The following EXOC6B variants were observed in gnomAD, a reference collection of about 807,000 sequenced individuals.
EXOC6B encodes SEC15 homolog B.
EXOC6B carries 54 observed loss-of-function variants against 113.5 expected under a neutral mutation model. That is an observed-to-expected ratio of 0.48 (90% CI 0.38 to 0.60). The LOEUF (loss-of-function observed/expected upper bound fraction) is 0.60, where lower values mean the gene tolerates loss of function less well. Among genes scored for constraint, EXOC6B ranks in the 20% least tolerant of loss-of-function variants. The pLI is 0.00. For missense variants in EXOC6B, 797 were observed against 977.5 expected (o/e 0.82, Z 2.46); for synonymous variants, 357 against 339.0 (o/e 1.05, Z -0.58).
At chr2:72,718,020 C>T in intron 6 of EXOC6B, 83 bp downstream of exon 6, 1 of 978,294 alleles carries the variant, frequency 1.0e-6, no homozygotes, top group Non-Finnish European at 1.5e-6. Flanking sequence ...AAGATAATGA[C>T]TAGACACTTG....
chr2:72,266,186 T>G (rs1324103643), intron 20 of EXOC6B, among the ~76,000 whole-genome samples: 4 of 151,756 alleles, frequency 2.6e-5, no homozygotes, highest in South Asian at 2.1e-4. Flanking sequence ...TGCGAAAATT[T>G]TCTCCCATTT....
intron 20 of EXOC6B, among the ~76,000 whole-genome samples, chr2:72,184,723 A>G (rs1020920261): frequency 1.3e-5 from 2 of 152,242 alleles, no homozygotes; most frequent in African/African-American, 4.8e-5. Context: ...AGACATATAC[A>G]CATGCCTATA....
intron 20 of EXOC6B, among the ~76,000 whole-genome samples, chr2:72,264,138 T>C (rs549426262): frequency 6.6e-6 from 1 of 152,292 alleles, no homozygotes; most frequent in African/African-American, 2.4e-5. Context: ...ACCATGTTGA[T>C]CTTTCCTGCC....
chr2:72,684,339 T>G (rs1038002992), intron 6 of EXOC6B, among the ~76,000 whole-genome samples: 3 of 151,994 alleles, frequency 2.0e-5, no homozygotes, highest in African/African-American at 7.2e-5. Context: ...TAACTAAAAT[T>G]TAAAAGACTG....
At chr2:72,699,747 C>T (rs952501453) in intron 6 of EXOC6B, among the ~76,000 whole-genome samples, 1 of 152,070 alleles carries the variant, frequency 6.6e-6, no homozygotes, top group African/African-American at 2.4e-5. Flanking sequence ...ATAATCATTA[C>T]CCTCAAATCC....
At chr2:72,697,527 T>G (rs2104617128) in intron 6 of EXOC6B, among the ~76,000 whole-genome samples, 1 of 151,946 alleles carries the variant, frequency 6.6e-6, no homozygotes. Context: ...CTACAAAAAA[T>G]ACAAAAATTA....
rs550707690 is a variant in EXOC6B at position 72,219,259 on chromosome 2, G to T, written c.2197-35072C>A. On this transcript the variant is annotated intron_variant, in intron 20 of 21. Coordinates refer to ENST00000272427, the MANE Select transcript of EXOC6B (RefSeq NM_015189.3). ...CTTTCTAAAGCTTGGCTCAGACAGTGGCAAGAGGGAGCAAGGGGGAAGGAG... is the reference window on the plus strand; with the variant it reads ...CTTTCTAAAGCTTGGCTCAGACAGTTGCAAGAGGGAGCAAGGGGGAAGGAG... Among the ~76,000 whole-genome samples, 6 of 152,046 alleles carry T rather than the reference G, an allele frequency of 3.9e-5. No homozygotes were observed. The East Asian group carries it at 1.2e-3, about 30-fold the overall frequency.
chr2:72,659,713 C>G (rs1378383960), intron 6 of EXOC6B, among the ~76,000 whole-genome samples: 1 of 152,102 alleles, frequency 6.6e-6, no homozygotes, highest in Non-Finnish European at 1.5e-5. Flanking sequence ...ACATCTTTCC[C>G]TATTTTATCC....
chr2:72,702,077 C>A (rs1463532656), intron 6 of EXOC6B, among the ~76,000 whole-genome samples: 1 of 150,716 alleles, frequency 6.6e-6, no homozygotes, highest in East Asian at 1.9e-4. Context: ...CCCCCTCCCA[C>A]CACCCCACAA....
At chr2:72,538,560 C>T (rs1702429412) in intron 8 of EXOC6B, among the ~76,000 whole-genome samples, 1 of 152,088 alleles carries the variant, frequency 6.6e-6, no homozygotes, top group African/African-American at 2.4e-5. Flanking sequence ...CTTAACAGCA[C>T]ATCTTGATTC....
intron 20 of EXOC6B, among the ~76,000 whole-genome samples, chr2:72,306,713 C>T (rs968147966): frequency 1.3e-5 from 2 of 152,110 alleles, no homozygotes; most frequent in African/African-American, 4.8e-5. Flanking sequence ...AAACTATTCT[C>T]CAAAACAACC....
intron 20 of EXOC6B, among the ~76,000 whole-genome samples, chr2:72,263,756 G>A (rs917019802): frequency 1.3e-5 from 2 of 152,154 alleles, no homozygotes; most frequent in Non-Finnish European, 2.9e-5. Flanking sequence ...AGATGATAAA[G>A]TCACAGCCAC....
At chr2:72,316,093 T>A (rs1399641830) in intron 20 of EXOC6B, among the ~76,000 whole-genome samples, 2 of 152,200 alleles carry the variant, frequency 1.3e-5, no homozygotes. Context: ...AGGCTATATA[T>A]GTCTTATAGA....
chr2:72,477,388 C>CA (rs1166787215), intron 17 of EXOC6B, among the ~76,000 whole-genome samples: 1 of 152,168 alleles, frequency 6.6e-6, no homozygotes, highest in African/African-American at 2.4e-5. Flanking sequence ...TACACACACC[C>CA]AATCTAGTAC....
Position 72,271,614 on chromosome 2 carries a change from G to GA in EXOC6B, c.2196+63332dup, listed in dbSNP as rs923622111. Among the ~76,000 whole-genome samples, 345 of 146,400 alleles carry GA rather than the reference G, an allele frequency of 2.4e-3. 2 individuals carry two copies. Among genetic ancestry groups the GA allele is most frequent in the South Asian group, 0.014 (62 of 4,590 alleles). ...TCTACTGTGTCCTTTTGATTTTAGGGAAAAAAAAAACCCTTGTTATGTTGG... is the reference window on the plus strand; with the variant it reads ...TCTACTGTGTCCTTTTGATTTTAGGGAAAAAAAAAAACCCTTGTTATGTTGG... On this transcript the variant is annotated intron_variant, in intron 20 of 21. Transcript: ENST00000272427.
intron 18 of EXOC6B, among the ~76,000 whole-genome samples, chr2:72,457,543 A>G (rs1697316624): frequency 1.3e-5 from 2 of 152,224 alleles, no homozygotes; most frequent in African/African-American, 2.4e-5. Context: ...TCAGGATTCT[A>G]TCTTCTGGGT....
chr2:72,396,198 T>C (rs1692716327), intron 18 of EXOC6B, among the ~76,000 whole-genome samples: 1 of 152,136 alleles, frequency 6.6e-6, no homozygotes, highest in African/African-American at 2.4e-5. Flanking sequence ...AAATGCCATG[T>C]ATTCTCCCCA....
At chr2:72,525,794 G>A (rs1272329533) in intron 8 of EXOC6B, among the ~76,000 whole-genome samples, 2 of 151,818 alleles carry the variant, frequency 1.3e-5, no homozygotes, top group Admixed American at 6.6e-5. Flanking sequence ...TTTCTTCAGC[G>A]GTCCATAACA....
intron 16 of EXOC6B, among the ~76,000 whole-genome samples, chr2:72,485,335 GA>G (rs1699361587): frequency 6.6e-6 from 1 of 152,144 alleles, no homozygotes; most frequent in Non-Finnish European, 1.5e-5. Context: ...TCCCAAAACA[GA>G]CAATTCAGTA....
Sources: allele counts gnomAD v4.1 joint callset (sites outside exome capture counted in the v4.1 genomes callset), GRCh38; gene constraint gnomAD v4.1.1; transcripts MANE v1.5; gene names NCBI Gene and HGNC (gene_info 2026-07-23, HGNC 2026-07-21).